TLL1: variants seen among roughly 807,000 people sequenced by gnomAD.
The protein encoded by TLL1 is tolloid like 1.
TLL1 carries 49 observed loss-of-function variants against 128.2 expected under a neutral mutation model. The observed-to-expected ratio is 0.38, with a 90% CI of 0.30 to 0.48. The LOEUF is 0.48. TLL1 is among the 20% of genes least tolerant of loss of function. The pLI is 0.96. For missense variants in TLL1, 1,123 were observed against 1,242.0 expected (o/e 0.90, Z 1.44); for synonymous variants, 454 against 418.8 (o/e 1.08, Z -1.03).
At chr4:166,036,320 T>G (rs1738996741) in intron 9 of TLL1, among the ~76,000 whole-genome samples, 1 of 152,164 alleles carries the variant, frequency 6.6e-6, no homozygotes, top group South Asian at 2.1e-4. Flanking sequence ...ACGTTGCAAC[T>G]TAGACTCCTA....
intron 19 of TLL1, among the ~76,000 whole-genome samples, chr4:166,098,533 T>C (rs529606826): frequency 1.4e-4 from 21 of 152,094 alleles, no homozygotes; most frequent in Admixed American, 5.9e-4. Flanking sequence ...AATTTATCTT[T>C]TTTAAAGGAG....
intron 1 of TLL1, among the ~76,000 whole-genome samples, chr4:165,959,937 A>C (rs1236892346): frequency 1.3e-5 from 2 of 152,120 alleles, no homozygotes; most frequent in Admixed American, 6.6e-5. Flanking sequence ...GGAACTAAAG[A>C]AACAAGAACA....
chr4:166,021,384 T>TC (rs1738224196), intron 8 of TLL1, among the ~76,000 whole-genome samples: 1 of 151,500 alleles, frequency 6.6e-6, no homozygotes, highest in Non-Finnish European at 1.5e-5. Context: ...TCCCTCTGCT[T>TC]CCCTCCTGAT....
chr4:166,070,713 C>G (rs987067534), intron 16 of TLL1, among the ~76,000 whole-genome samples: 6 of 151,890 alleles, frequency 4.0e-5, no homozygotes, highest in African/African-American at 1.4e-4. Flanking sequence ...CTGTCTAGCT[C>G]TAAATTCAAG....
In TLL1 at chr4:165,914,153, A is replaced by T. The variant is rs549057975; in HGVS notation, c.169+40080A>T. Among the ~76,000 whole-genome samples, 308 of 152,260 alleles carry T rather than the reference A, an allele frequency of 2.0e-3. 1 individual carries two copies. Among genetic ancestry groups the T allele is most frequent in the Non-Finnish European group, 3.8e-3 (260 of 68,014 alleles). On this transcript the variant is annotated intron_variant, in intron 1 of 20. Transcript: ENST00000061240. The stretch of plus-strand genomic sequence containing the variant: ...CAGGAACGCTTACCTATTTTTCACA[A>T]TCATTACCTTCATTAGATAGCATTT...
intron 18 of TLL1, 83 bp from the exon 19 acceptor site, chr4:166,091,044 TG>T: frequency 9.2e-7 from 1 of 1,086,818 alleles, no homozygotes; most frequent in Non-Finnish European, 1.4e-6. Flanking sequence ...CATATTTTAT[TG>T]ATATGTATTT....
chr4:166,010,500 T>G lies in TLL1; in HGVS notation c.917+2452T>G, dbSNP rs547073773. On this transcript the variant is annotated intron_variant, in intron 7 of 20. Transcript: ENST00000061240. ...GTTATTTGATTATTTTGTTGTTGAG[T>G]AGTAGAAGTTCTTTGTATATTCTGA... is the stretch of plus-strand genomic sequence containing the variant. 2.0e-5 allele frequency among the ~76,000 whole-genome samples: 3 copies of G among 151,190 alleles called. No homozygotes were observed. In the East Asian group the frequency reaches 5.8e-4, roughly 29 times the overall value.
intron 12 of TLL1, among the ~76,000 whole-genome samples, chr4:166,051,226 CTT>C (rs941995061): frequency 2.0e-5 from 3 of 151,934 alleles, no homozygotes; most frequent in South Asian, 2.1e-4. Flanking sequence ...AGAAACTGCT[CTT>C]TCTCTTTTCT....
chr4:166,057,283 T>C lies in TLL1; in HGVS notation c.1820T>C (p.Leu607Pro), dbSNP rs1312009185. Residue 607 changes from leucine to proline, a missense_variant, in exon 14 of 21, where the codon CTG becomes CCG. Physicochemically the swap from Leu to Pro is moderately conservative, Grantham distance 98 (BLOSUM62 -3). Around this residue, in one of 3 missense-constraint regions of TLL1, gnomAD observed 634 missense variants for 672.4 expected, o/e 0.94. Coordinates refer to ENST00000061240, the MANE Select transcript of TLL1 (RefSeq NM_012464.5). ...YQCACEPGYE[L>P]GPDRRSCEAA... is the part of the protein sequence containing the mutation. ...TGTGCCTGTGAGCCTGGCTATGAGC[T>C]GGGCCCAGACAGAAGGAGCTGTGAA... The C allele has an allele frequency of 1.9e-6, 3 of 1,613,854 alleles. No homozygotes were observed. The highest frequency in any genetic ancestry group is 1.7e-5 in the Admixed American group (1 of 59,960).
chr4:165,929,902 G>C (rs1733439742), intron 1 of TLL1, among the ~76,000 whole-genome samples: 1 of 152,160 alleles, frequency 6.6e-6, no homozygotes. Flanking sequence ...CTTGATATCA[G>C]CTCATTCCTT....
chr4:165,947,800 G>A (rs1734325754), intron 1 of TLL1, among the ~76,000 whole-genome samples: 1 of 152,214 alleles, frequency 6.6e-6, no homozygotes, highest in Admixed American at 6.5e-5. Flanking sequence ...TCTGTAGGAA[G>A]GCATCTGGTC....
intron 1 of TLL1, among the ~76,000 whole-genome samples, chr4:165,966,070 T>G (rs1735354368): frequency 6.6e-6 from 1 of 151,422 alleles, no homozygotes; most frequent in African/African-American, 2.4e-5. Flanking sequence ...TCCCAGCTAC[T>G]TGGGAGGCTG....
intron 1 of TLL1, among the ~76,000 whole-genome samples, chr4:165,985,842 C>T (rs952399956): frequency 2.0e-5 from 3 of 151,934 alleles, no homozygotes; most frequent in Non-Finnish European, 4.4e-5. Context: ...AAAAACAAAA[C>T]CTGTGGTTTT....
chr4:165,972,484 T>C (rs541993602), intron 1 of TLL1, among the ~76,000 whole-genome samples: 1 of 152,242 alleles, frequency 6.6e-6, no homozygotes, highest in South Asian at 2.1e-4. Flanking sequence ...TGAATCTCAG[T>C]AAGATATTTT....
At chr4:166,056,707 A>G (rs1740023674) in intron 13 of TLL1, among the ~76,000 whole-genome samples, 1 of 152,168 alleles carries the variant, frequency 6.6e-6, no homozygotes, top group African/African-American at 2.4e-5. Flanking sequence ...AAAAAAGGCT[A>G]GGCTTCATTA....
chr4:166,088,668 T>C (rs892711563), intron 18 of TLL1, among the ~76,000 whole-genome samples: 3 of 152,150 alleles, frequency 2.0e-5, no homozygotes, highest in African/African-American at 7.2e-5. Flanking sequence ...TCTGCATTAC[T>C]AGAGTATATG....
At chr4:166,077,565 C>T (rs914400760) in intron 17 of TLL1, among the ~76,000 whole-genome samples, 4 of 152,158 alleles carry the variant, frequency 2.6e-5, no homozygotes, top group Non-Finnish European at 5.9e-5. Context: ...GGATTAAATA[C>T]ACCCAGTGTG....
At chr4:165,948,057 T>G (rs1020363424) in intron 1 of TLL1, among the ~76,000 whole-genome samples, 4 of 152,168 alleles carry the variant, frequency 2.6e-5, no homozygotes, top group African/African-American at 9.6e-5. Context: ...CGTGGCATTT[T>G]GAGCCTAAAG....
intron 18 of TLL1, among the ~76,000 whole-genome samples, chr4:166,090,866 G>A (rs901399562): frequency 2.6e-5 from 4 of 151,924 alleles, no homozygotes; most frequent in Non-Finnish European, 1.5e-5. Context: ...TTTAAATTCT[G>A]AGATTGAATT....
Sources: allele counts gnomAD v4.1 joint callset (sites outside exome capture counted in the v4.1 genomes callset), GRCh38; gene constraint gnomAD v4.1.1; regional missense constraint gnomAD v4.1.1; transcripts MANE v1.5; gene names NCBI Gene and HGNC (gene_info 2026-07-23, HGNC 2026-07-21).